The following PTPRD variants were observed in gnomAD, a reference collection of about 807,000 sequenced individuals.
PTPRD encodes receptor-type tyrosine-protein phosphatase delta.
In PTPRD, 34 loss-of-function variants were observed where a neutral mutation model predicts 214.5. That is an observed-to-expected ratio of 0.16 (90% CI 0.12 to 0.21). The LOEUF (loss-of-function observed/expected upper bound fraction) is 0.21. Among genes scored for constraint, PTPRD ranks in the 10% least tolerant of loss-of-function variants. The pLI is 1.00. For missense variants in PTPRD, 2,545 were observed against 2,398.7 expected, an observed-to-expected ratio of 1.06 and a Z score of -1.27; for synonymous variants, 1,128 against 845.7, an observed-to-expected ratio of 1.33 and a Z score of -5.79.
At chr9:9,485,183 T>C (rs1223204687) in intron 8 of PTPRD, among the ~76,000 whole-genome samples, 1 of 152,180 alleles carries the variant, frequency 6.6e-6, no homozygotes, top group Non-Finnish European at 1.5e-5. Flanking sequence ...AGAAAACTGA[T>C]ACATGTTTTG....
At chr9:10,098,217 G>A (rs832256) in intron 3 of PTPRD, among the ~76,000 whole-genome samples, 53,412 of 151,064 alleles carry the variant, frequency 0.35, 10,288 homozygotes, top group East Asian at 0.53. Context: ...GCTGGAAACC[G>A]TCATTCTCAG....
At chr9:10,537,513 T>C (rs1235140087) in intron 2 of PTPRD, among the ~76,000 whole-genome samples, 1 of 152,162 alleles carries the variant, frequency 6.6e-6, no homozygotes, top group Non-Finnish European at 1.5e-5. Flanking sequence ...TTGTCAAAAT[T>C]GAAATTGCAA....
chr9:10,011,240 T>A (rs1472643745), intron 4 of PTPRD, among the ~76,000 whole-genome samples: 1 of 151,876 alleles, frequency 6.6e-6, no homozygotes, highest in Non-Finnish European at 1.5e-5. Context: ...TTTCAAATAC[T>A]AAAAACTGAA....
chr9:8,706,368 G>C (rs954167474), intron 12 of PTPRD, among the ~76,000 whole-genome samples: 1 of 152,102 alleles, frequency 6.6e-6, no homozygotes, highest in African/African-American at 2.4e-5. Context: ...TATTGGATTA[G>C]AGATTCATTT....
intron 27 of PTPRD, among the ~76,000 whole-genome samples, chr9:8,486,699 G>C (rs893687146): frequency 1.3e-5 from 2 of 152,118 alleles, no homozygotes; most frequent in Non-Finnish European, 2.9e-5. Context: ...ATTAGATATG[G>C]CTAATAAGAA....
intron 14 of PTPRD, among the ~76,000 whole-genome samples, chr9:8,627,213 T>C (rs1001340060): frequency 1.3e-5 from 2 of 151,804 alleles, no homozygotes; most frequent in Non-Finnish European, 2.9e-5. Context: ...TGGAAGAACA[T>C]TGTTCTTCCA....
chr9:10,596,052 T>C (rs1478592332), intron 2 of PTPRD, among the ~76,000 whole-genome samples: 3 of 151,798 alleles, frequency 2.0e-5, no homozygotes, highest in Non-Finnish European at 4.4e-5. Flanking sequence ...TACACACAAA[T>C]AGATACATGC....
At chr9:10,388,783 G>C (rs898767212) in intron 2 of PTPRD, among the ~76,000 whole-genome samples, 1 of 151,718 alleles carries the variant, frequency 6.6e-6, no homozygotes, top group African/African-American at 2.4e-5. Flanking sequence ...AATAATGTTG[G>C]AACCTATTCT....
At chr9:9,357,994 C>T (rs1028890475) in intron 9 of PTPRD, among the ~76,000 whole-genome samples, 22 of 151,206 alleles carry the variant, frequency 1.5e-4, no homozygotes, top group Admixed American at 1.4e-3. Flanking sequence ...TTCAGCTGAA[C>T]AGAATTCTTC....
intron 2 of PTPRD, among the ~76,000 whole-genome samples, chr9:10,547,013 G>T (rs1461189724): frequency 6.6e-6 from 1 of 152,020 alleles, no homozygotes; most frequent in Non-Finnish European, 1.5e-5. Flanking sequence ...ATCTGCTGTA[G>T]GGTTCATTAA....
At chr9:9,440,666 A>G (rs2087264958) in intron 8 of PTPRD, among the ~76,000 whole-genome samples, 1 of 152,188 alleles carries the variant, frequency 6.6e-6, no homozygotes, top group Non-Finnish European at 1.5e-5. Context: ...TATTATCCCA[A>G]AATTCTGTCT....
At chr9:10,454,933 A>G (rs773154630) in intron 2 of PTPRD, among the ~76,000 whole-genome samples, 7 of 151,824 alleles carry the variant, frequency 4.6e-5, no homozygotes, top group Non-Finnish European at 8.9e-5. Context: ...TCAAAACCTC[A>G]GTAACAGGCA....
At chr9:8,768,623 G>C (rs1205335317) in intron 11 of PTPRD, among the ~76,000 whole-genome samples, 1 of 152,050 alleles carries the variant, frequency 6.6e-6, no homozygotes, top group East Asian at 1.9e-4. Flanking sequence ...ATGACACCCA[G>C]CTAAAAAGTA....
intron 11 of PTPRD, chr9:8,958,631 C>T (rs2099143745): frequency 6.6e-6 from 1 of 152,044 alleles, no homozygotes; most frequent in African/African-American, 2.4e-5. Context: ...GAAACGGACA[C>T]ATAGTTGGAT....
intron 11 of PTPRD, among the ~76,000 whole-genome samples, chr9:8,767,717 T>C (rs566582175): frequency 6.6e-6 from 1 of 152,274 alleles, no homozygotes; most frequent in South Asian, 2.1e-4. Flanking sequence ...TTAATTCGGA[T>C]GCTCAGGTCA....
At chr9:9,635,827 C>G (rs1464095134) in intron 7 of PTPRD, among the ~76,000 whole-genome samples, 2 of 152,128 alleles carry the variant, frequency 1.3e-5, no homozygotes, top group Admixed American at 6.6e-5. Context: ...AATGTCATAT[C>G]AATCTACTTC....
rs140123488 is a variant in PTPRD at position 8,924,051 on chromosome 9, T to C, written c.-104+94646A>G. On this transcript the variant is annotated intron_variant, in intron 11 of 45. Coordinates refer to ENST00000381196, the MANE Select transcript of PTPRD (RefSeq NM_002839.4). ...AGGCAGTCATTTTCTAAATTTAGAA[T>C]GAAGAAATATTTTAATTTTATTATT... is the stretch of plus-strand genomic sequence containing the variant. Among the ~76,000 whole-genome samples, 793 of 152,304 alleles carry C rather than the reference T, an allele frequency of 5.2e-3. 7 individuals are homozygous for C. The highest frequency in any genetic ancestry group is 0.018 in the African/African-American group (765 of 41,560).
chr9:10,225,536 G>A (rs1239337450), intron 3 of PTPRD, among the ~76,000 whole-genome samples: 1 of 152,048 alleles, frequency 6.6e-6, no homozygotes, highest in Admixed American at 6.6e-5. Context: ...TGGATCATGA[G>A]AAAATGAAAT....
intron 10 of PTPRD, among the ~76,000 whole-genome samples, chr9:9,146,235 T>G (rs571641994): frequency 8.5e-5 from 13 of 152,150 alleles, no homozygotes; most frequent in African/African-American, 3.1e-4. Flanking sequence ...CTGCTGTGCA[T>G]GGCTAAAAGT....
Sources: allele counts gnomAD v4.1 joint callset (sites outside exome capture counted in the v4.1 genomes callset), GRCh38; gene constraint gnomAD v4.1.1; transcripts MANE v1.5; gene names NCBI Gene and HGNC (gene_info 2026-07-23, HGNC 2026-07-21).